TRHDE: variants seen among roughly 807,000 people sequenced by gnomAD.
TRHDE encodes the protein thyrotropin-releasing hormone-degrading ectoenzyme.
A neutral mutation model predicts 125.7 loss-of-function variants in TRHDE; 72 were observed. The observed-to-expected ratio is 0.57, with a 90% confidence interval of 0.47 to 0.70. The LOEUF (loss-of-function observed/expected upper bound fraction) is 0.70. Among genes scored for constraint, TRHDE ranks in the 30% least tolerant of loss-of-function variants. TRHDE has a pLI of 0.00. For synonymous variants in TRHDE, 509 were observed against 509.1 expected, an observed-to-expected ratio of 1.00 and a Z score of 0.00; for missense variants, 1,110 against 1,327.1, an observed-to-expected ratio of 0.84 and a Z score of 2.54.
At chr12:72,308,010 A>C (rs181814972) in intron 2 of TRHDE, among the ~76,000 whole-genome samples, 4 of 152,248 alleles carry the variant, frequency 2.6e-5, no homozygotes, top group Admixed American at 6.5e-5. Context: ...ATGGTCTAGC[A>C]TGCTTCAGAT....
At position 72,584,854 on chromosome 12, in the gene TRHDE, A is replaced by T. The variant is rs367911333; in HGVS notation, c.2321+9312A>T. ...GGCTATTGTGAATAACTTTGCTGCA[A>T]TAAATATGAAAGTGCAGATATCTCT... On this transcript the variant is annotated intron_variant, in intron 12 of 18. Transcript: ENST00000261180. Among the ~76,000 whole-genome samples the T allele has an allele frequency of 6.4e-4, 97 of 152,372 alleles. 1 individual carries two copies. The South Asian group carries it at 0.017, about 27-fold the overall frequency.
Position 72,496,615 on chromosome 12 carries a change from C to A in TRHDE, c.1585-2883C>A, listed in dbSNP as rs1476460348. Among the ~76,000 whole-genome samples, 5 of 152,188 alleles carry A rather than the reference C, an allele frequency of 3.3e-5. No individual in the cohort carries two copies. In the East Asian group the frequency reaches 9.6e-4, roughly 29 times the overall value. On this transcript the variant is annotated intron_variant, in intron 5 of 18. Coordinates refer to ENST00000261180, the MANE Select transcript of TRHDE (RefSeq NM_013381.3). ...GTGAGATTTGGGTGGGGACACAGAG[C>A]CAAACCAAATCAGTGTTGTTTTTCT...
At chr12:72,156,673 G>A (rs1474323560) in intron 2 of TRHDE, among the ~76,000 whole-genome samples, 1 of 152,178 alleles carries the variant, frequency 6.6e-6, no homozygotes, top group Non-Finnish European at 1.5e-5. Flanking sequence ...TTTATTCTGA[G>A]TAGAAATTTT....
At chr12:72,467,023 A>G (rs1007909388) in intron 3 of TRHDE, among the ~76,000 whole-genome samples, 1 of 152,214 alleles carries the variant, frequency 6.6e-6, no homozygotes, top group Non-Finnish European at 1.5e-5. Flanking sequence ...ATGCTCAATG[A>G]GTATTTGTTG....
chr12:72,613,847 G>A (rs890721009), intron 12 of TRHDE, among the ~76,000 whole-genome samples: 1 of 152,082 alleles, frequency 6.6e-6, no homozygotes, highest in Non-Finnish European at 1.5e-5. Context: ...TTCTTGTAAT[G>A]CCATAAAGAA....
intron 6 of TRHDE, among the ~76,000 whole-genome samples, chr12:72,526,297 T>C (rs1231148909): frequency 1.3e-5 from 2 of 152,136 alleles, no homozygotes; most frequent in Non-Finnish European, 2.9e-5. Flanking sequence ...ACTGGATTGA[T>C]TTCTTTACAC....
intron 2 of TRHDE, among the ~76,000 whole-genome samples, chr12:72,158,499 G>T (rs1382556841): frequency 6.6e-6 from 1 of 151,556 alleles, no homozygotes; most frequent in Non-Finnish European, 1.5e-5. Context: ...TGATTTATTA[G>T]TATTATTTTT....
At chr12:72,510,291 G>A (rs1878531199) in intron 6 of TRHDE, among the ~76,000 whole-genome samples, 2 of 152,070 alleles carry the variant, frequency 1.3e-5, no homozygotes, top group Non-Finnish European at 2.9e-5. Flanking sequence ...ATATTCTACA[G>A]TATCTGGTAT....
At chr12:72,611,490 A>G (rs947374787) in intron 12 of TRHDE, among the ~76,000 whole-genome samples, 6 of 152,200 alleles carry the variant, frequency 3.9e-5, no homozygotes, top group Non-Finnish European at 8.8e-5. Flanking sequence ...TTGATCAGTA[A>G]TGATTTGAAA....
At chr12:72,142,401 CCTT>C (rs1192384897) in intron 2 of TRHDE, among the ~76,000 whole-genome samples, 1 of 152,152 alleles carries the variant, frequency 6.6e-6, no homozygotes, top group Non-Finnish European at 1.5e-5. Context: ...CAGTTGAATA[CCTT>C]CTTCTAAGGA....
intron 2 of TRHDE, among the ~76,000 whole-genome samples, chr12:72,215,578 G>A (rs1187208451): frequency 6.6e-6 from 1 of 152,132 alleles, no homozygotes; most frequent in Non-Finnish European, 1.5e-5. Flanking sequence ...CTCATCTTCA[G>A]CTACCCTTAC....
chr12:72,588,609 A>G (rs931742404), intron 12 of TRHDE, among the ~76,000 whole-genome samples: 4 of 152,142 alleles, frequency 2.6e-5, no homozygotes, highest in African/African-American at 9.7e-5. Context: ...TTTTTAAAGG[A>G]TCACTGACTC....
chr12:72,470,347 T>A (rs1441072945), intron 4 of TRHDE, among the ~76,000 whole-genome samples: 3 of 152,214 alleles, frequency 2.0e-5, no homozygotes. Flanking sequence ...ATTCCCCTTT[T>A]CCCACCACAT....
intron 2 of TRHDE, among the ~76,000 whole-genome samples, chr12:72,144,070 T>C (rs1435424668): frequency 6.6e-6 from 1 of 152,194 alleles, no homozygotes; most frequent in Non-Finnish European, 1.5e-5. Context: ...GGTTCTAATT[T>C]TACTAGCAAC....
intron 6 of TRHDE, among the ~76,000 whole-genome samples, chr12:72,541,025 T>TAACA (rs1015004121): frequency 2.0e-5 from 3 of 151,654 alleles, no homozygotes; most frequent in Admixed American, 6.6e-5. Flanking sequence ...ATCATTCTAG[T>TAACA]AACAAACTGT....
chr12:72,151,315 A>G (rs1212454790), intron 2 of TRHDE, among the ~76,000 whole-genome samples: 1 of 152,058 alleles, frequency 6.6e-6, no homozygotes, highest in Non-Finnish European at 1.5e-5. Context: ...AGATGAGTAG[A>G]TTGCAAAAAT....
chr12:72,590,386 G>A (rs756976935), intron 12 of TRHDE, among the ~76,000 whole-genome samples: 6 of 151,926 alleles, frequency 3.9e-5, no homozygotes, highest in African/African-American at 1.4e-4. Context: ...TCAGAATTAC[G>A]TATTTGTTGA....
At chr12:72,232,222 A>G (rs1878260813) in intron 2 of TRHDE, among the ~76,000 whole-genome samples, 1 of 152,142 alleles carries the variant, frequency 6.6e-6, no homozygotes, top group Non-Finnish European at 1.5e-5. Flanking sequence ...CAGAGACTTT[A>G]CTGTGCTTCT....
chr12:72,125,167 T>G (rs1485014653), intron 2 of TRHDE, among the ~76,000 whole-genome samples: 1 of 152,010 alleles, frequency 6.6e-6, no homozygotes, highest in Admixed American at 6.5e-5. Flanking sequence ...GTACTAAGAT[T>G]ACTTTATCAT....
Sources: allele counts gnomAD v4.1 joint callset (sites outside exome capture counted in the v4.1 genomes callset), GRCh38; gene constraint gnomAD v4.1.1; transcripts MANE v1.5; gene names NCBI Gene and HGNC (gene_info 2026-07-23, HGNC 2026-07-21).